The following TMEM132D variants were observed in gnomAD, a reference collection of about 807,000 sequenced individuals.
TMEM132D encodes the protein mature OL transmembrane protein.
Under a neutral mutation model 62.3 loss-of-function variants are expected in TMEM132D, and 21 were observed. That is an observed-to-expected ratio of 0.34 (90% CI 0.24 to 0.49). The LOEUF (loss-of-function observed/expected upper bound fraction) is 0.49, where lower values mean the gene tolerates loss of function less well. Ranked by LOEUF, TMEM132D falls within the 20% of genes least tolerant of loss-of-function variation. The pLI is 0.99. For missense variants in TMEM132D, 1,346 were observed against 1,402.8 expected (o/e 0.96, Z 0.65); for synonymous variants, 621 against 575.6 (o/e 1.08, Z -1.13).
At chr12:129,863,261 C>G (rs986217976) in intron 1 of TMEM132D, among the ~76,000 whole-genome samples, 2 of 151,998 alleles carry the variant, frequency 1.3e-5, no homozygotes, top group South Asian at 4.2e-4. Context: ...ATCAGCTAGC[C>G]AGCCACCCCC....
intron 5 of TMEM132D, among the ~76,000 whole-genome samples, chr12:129,087,534 G>A (rs1874658979): frequency 6.6e-6 from 1 of 151,442 alleles, no homozygotes. Context: ...GACTGCAGCG[G>A]GAGAAGAAGG....
At chr12:129,335,854 T>G (rs1905122) in intron 4 of TMEM132D, among the ~76,000 whole-genome samples, 1 of 152,344 alleles carries the variant, frequency 6.6e-6, no homozygotes, top group East Asian at 1.9e-4. Context: ...AACCAGAAAC[T>G]GTATGTTGGA....
At chr12:129,250,150 C>A (rs117030086) in intron 4 of TMEM132D, among the ~76,000 whole-genome samples, 4 of 152,110 alleles carry the variant, frequency 2.6e-5, no homozygotes. Context: ...AGAATGCAGG[C>A]GGGGTAGCAA....
chr12:129,211,463 A>T (rs1165357662), intron 4 of TMEM132D, among the ~76,000 whole-genome samples: 3 of 152,182 alleles, frequency 2.0e-5, no homozygotes, highest in Admixed American at 6.5e-5. Context: ...TGTTACTTTG[A>T]TTCTCATGTG....
At chr12:129,080,043 C>G (rs1215707688) in intron 7 of TMEM132D, among the ~76,000 whole-genome samples, 1 of 152,154 alleles carries the variant, frequency 6.6e-6, no homozygotes, top group East Asian at 1.9e-4. Context: ...GCATCAGTAT[C>G]AGTTTAGCCT....
At chr12:129,230,996 G>C (rs953311375) in intron 4 of TMEM132D, among the ~76,000 whole-genome samples, 50 of 152,264 alleles carry the variant, frequency 3.3e-4, no homozygotes, top group African/African-American at 1.1e-3. Flanking sequence ...ATGTAGCCAG[G>C]GTTAGGAAAA....
chr12:129,505,151 A>G (rs528590709), intron 3 of TMEM132D, among the ~76,000 whole-genome samples: 102 of 152,064 alleles, frequency 6.7e-4, no homozygotes, highest in Non-Finnish European at 1.3e-3. Context: ...TATCTTGGAG[A>G]AAGTTCCATG....
At chr12:129,196,768 G>C (rs1878562432) in intron 5 of TMEM132D, among the ~76,000 whole-genome samples, 1 of 152,120 alleles carries the variant, frequency 6.6e-6, no homozygotes, top group South Asian at 2.1e-4. Context: ...AAAAAGAAAA[G>C]TGATCTAAAC....
At chr12:129,605,794 G>A (rs1198245263) in intron 2 of TMEM132D, among the ~76,000 whole-genome samples, 1 of 151,404 alleles carries the variant, frequency 6.6e-6, no homozygotes, top group Non-Finnish European at 1.5e-5. Flanking sequence ...TTTTTTCATG[G>A]GTCAGAGTTG....
chr12:129,159,758 CA>C (rs1188064357), intron 5 of TMEM132D, among the ~76,000 whole-genome samples: 540 of 27,402 alleles, frequency 0.02, 4 homozygotes, highest in South Asian at 0.047. Context: ...GACTCGGGCT[CA>C]AAAAAAAAAA....
At chr12:129,747,727 G>GAC (rs958596974) in intron 1 of TMEM132D, among the ~76,000 whole-genome samples, 2 of 143,170 alleles carry the variant, frequency 1.4e-5, no homozygotes, top group Non-Finnish European at 3.0e-5. Context: ...CATACACACA[G>GAC]ACACACACAC....
intron 3 of TMEM132D, among the ~76,000 whole-genome samples, chr12:129,346,651 G>A (rs1455654041): frequency 6.6e-6 from 1 of 152,154 alleles, no homozygotes; most frequent in Admixed American, 6.6e-5. Context: ...ACCGGCACAA[G>A]ACAAGGATGT....
At chr12:129,740,071 C>T (rs1246886943) in intron 1 of TMEM132D, among the ~76,000 whole-genome samples, 1 of 152,180 alleles carries the variant, frequency 6.6e-6, no homozygotes, top group African/African-American at 2.4e-5. Context: ...CTCTTCTGGC[C>T]TCAGTATCCC....
At chr12:129,147,777 T>A (rs949313096) in intron 5 of TMEM132D, among the ~76,000 whole-genome samples, 6 of 152,198 alleles carry the variant, frequency 3.9e-5, no homozygotes, top group African/African-American at 1.4e-4. Context: ...CACTCTGTAG[T>A]TGCTATTTAT....
At chr12:129,888,956 G>A (rs746695600) in intron 1 of TMEM132D, among the ~76,000 whole-genome samples, 29 of 152,178 alleles carry the variant, frequency 1.9e-4, no homozygotes, top group Middle Eastern at 3.2e-3. Context: ...GACTTGAGTC[G>A]GGGAAGTCCC....
Position 129,687,999 on chromosome 12 carries a change from T to C in TMEM132D, c.968+11811A>G, listed in dbSNP as rs1429793148. On this transcript the variant is annotated intron_variant, in intron 2 of 8. Coordinates refer to ENST00000422113, the MANE Select transcript of TMEM132D (RefSeq NM_133448.3). ...CCCTAAGAGGATCAGAGCACTCACA[T>C]TGTTTGACACATAAATGTGTGTGAA... Among the ~76,000 whole-genome samples, 8 of 152,300 alleles carry C rather than the reference T, an allele frequency of 5.3e-5. 1 individual carries two copies. The South Asian group carries it at 1.0e-3, about 20-fold the overall frequency.
intron 1 of TMEM132D, among the ~76,000 whole-genome samples, chr12:129,758,995 G>A (rs976621984): frequency 8.6e-5 from 13 of 150,560 alleles, no homozygotes; most frequent in African/African-American, 2.7e-4. Flanking sequence ...GTGCAGTGGC[G>A]CAATCTCAGC....
chr12:129,504,624 A>C (rs983436351), intron 3 of TMEM132D, among the ~76,000 whole-genome samples: 3 of 152,152 alleles, frequency 2.0e-5, no homozygotes, highest in Non-Finnish European at 4.4e-5. Context: ...CTTCTTGGTT[A>C]ATCTTGTTAA....
chr12:129,555,801 T>G (rs1877039493), intron 2 of TMEM132D, among the ~76,000 whole-genome samples: 1 of 152,184 alleles, frequency 6.6e-6, no homozygotes, highest in Non-Finnish European at 1.5e-5. Flanking sequence ...GTAGTTGTGG[T>G]TTTTGCCACT....
Sources: allele counts gnomAD v4.1 joint callset (sites outside exome capture counted in the v4.1 genomes callset), GRCh38; gene constraint gnomAD v4.1.1; transcripts MANE v1.5; gene names NCBI Gene and HGNC (gene_info 2026-07-23, HGNC 2026-07-21).